The following ADGRL1 variants were observed in gnomAD, a reference collection of about 807,000 sequenced individuals.
ADGRL1 encodes the protein CIRL-1.
Under a neutral mutation model 148.9 loss-of-function variants are expected in ADGRL1, and 31 were observed. That is an observed-to-expected ratio of 0.21 (90% confidence interval 0.16 to 0.28). The LOEUF is 0.28. ADGRL1 is among the 10% of genes least tolerant of loss of function. The pLI, the probability that ADGRL1 is intolerant of heterozygous loss-of-function variation, is 1.00. For synonymous variants in ADGRL1, 937 were observed against 900.3 expected (o/e 1.04, Z -0.73); for missense variants, 1,521 against 2,058.8 (o/e 0.74, Z 5.05).
intron 4 of ADGRL1, 47 bp from the exon 5 acceptor site, chr19:14,163,453 A>T: frequency 9.2e-7 from 1 of 1,087,800 alleles, no homozygotes; most frequent in Non-Finnish European, 1.3e-6. Context: ...GAAGGGGCAG[A>T]GGCGAGAGGG....
At chr19:14,171,249 GTCTTT>G (rs2144881124) in intron 3 of ADGRL1, 1 of 156,528 alleles carries the variant, frequency 6.4e-6, no homozygotes, top group East Asian at 1.9e-4. Context: ...CCAATTAAAT[GTCTTT>G]TCTTTATAAA....
At chr19:14,193,271 CAAAAAAA>C (rs34844517) in intron 1 of ADGRL1, among the ~76,000 whole-genome samples, 18 of 48,626 alleles carry the variant, frequency 3.7e-4, no homozygotes, top group African/African-American at 1.3e-3. Flanking sequence ...CCCCCACCGC[CAAAAAAA>C]AAAAAAAAAA....
intron 1 of ADGRL1, among the ~76,000 whole-genome samples, chr19:14,203,203 C>G (rs1296047585): frequency 6.6e-6 from 1 of 152,214 alleles, no homozygotes; most frequent in African/African-American, 2.4e-5. Flanking sequence ...CCTGCCTCCC[C>G]ACAGAGGGGC....
intron 2 of ADGRL1, among the ~76,000 whole-genome samples, chr19:14,179,772 G>A (rs957090646): frequency 4.0e-5 from 6 of 151,330 alleles, no homozygotes; most frequent in Non-Finnish European, 8.8e-5. Flanking sequence ...TTAGCCGGGT[G>A]TGGTGGCAGG....
At position 14,157,912 on chromosome 19, in the gene ADGRL1, G is replaced by A. The variant is rs1968936968; in HGVS notation, c.2505C>T (p.Asn835=). 3 of 1,614,078 alleles carry A rather than the reference G, an allele frequency of 1.9e-6. No homozygotes were observed. Among genetic ancestry groups the A allele is most frequent in the Non-Finnish European group, 2.5e-6 (3 of 1,180,042 alleles). The part of the protein sequence containing the change: ...HTTCACSHLT[N]FAVLMAHREI... ...CACGGTGAGCCATGAGCACAGCGAA[G>A]TTGGTGAGGTGGCTGCAGGCACACG... The change falls in exon 13 of 23, where the codon AAC becomes AAT. Residue 835 remains asparagine (N), a synonymous_variant. Transcript: ENST00000361434. The surrounding 1 kb of genome is among the most constrained non-coding windows in gnomAD (Gnocchi z 7.5).
At chr19:14,171,542 T>C (rs1324555469) in intron 3 of ADGRL1, among the ~76,000 whole-genome samples, 2 of 152,222 alleles carry the variant, frequency 1.3e-5, no homozygotes, top group East Asian at 3.9e-4. Context: ...TTAAAGCCCC[T>C]GCGCTGTTCA....
chr19:14,151,215 C>G lies in ADGRL1; in HGVS notation c.4068G>C (p.Ser1356=). The G allele has an allele frequency of 6.2e-7, 1 of 1,611,782 alleles. No homozygotes were observed. The highest frequency in any genetic ancestry group is 8.5e-7 in the Non-Finnish European group (1 of 1,179,660). The change falls in exon 23 of 23, where the codon TCG becomes TCC. Residue 1356 remains serine, a synonymous_variant. Transcript: ENST00000361434. ...CGCCGTCCTCGGCCGTGCAGCTCTCCGACTCGTCCAGATCGCTCTGGTACA... is the reference window on the plus strand; with the variant it reads ...CGCCGTCCTCGGCCGTGCAGCTCTCGGACTCGTCCAGATCGCTCTGGTACA... ...SVLYQSDLDE[S]ESCTAEDGAT...
chr19:14,198,364 C>T (rs894899490), intron 1 of ADGRL1, among the ~76,000 whole-genome samples: 15 of 152,044 alleles, frequency 9.9e-5, no homozygotes, highest in Non-Finnish European at 1.5e-4. Flanking sequence ...GGAGGGTACT[C>T]TCTACCCCAC....
intron 1 of ADGRL1, among the ~76,000 whole-genome samples, chr19:14,187,883 C>T (rs1378520040): frequency 6.6e-6 from 1 of 152,016 alleles, no homozygotes; most frequent in African/African-American, 2.4e-5. Flanking sequence ...GGTCTCCAAG[C>T]GCTTTCTTTC....
intron 4 of ADGRL1, chr19:14,167,165 G>A (rs559045889): frequency 6.3e-6 from 5 of 791,144 alleles, no homozygotes; most frequent in South Asian, 1.6e-5. Flanking sequence ...TTCCTTCCTC[G>A]CTCCTGCTTC....
intron 18 of ADGRL1, among the ~76,000 whole-genome samples, chr19:14,153,931 ACT>A (rs949370934): frequency 4.6e-5 from 7 of 150,904 alleles, no homozygotes; most frequent in East Asian, 2.0e-4. Context: ...ACAGAACGAG[ACT>A]CTGTCTCAAA....
chr19:14,203,377 C>T (rs1599533232), intron 1 of ADGRL1, among the ~76,000 whole-genome samples: 1 of 152,150 alleles, frequency 6.6e-6, no homozygotes, highest in African/African-American at 2.4e-5. Context: ...TCCCACTCCT[C>T]CCGTTCCTCT....
intron 4 of ADGRL1, chr19:14,170,249 TC>T: frequency 6.4e-6 from 1 of 157,448 alleles, no homozygotes; most frequent in Non-Finnish European, 1.4e-5. Context: ...ATGAGAAGGG[TC>T]AGAAAAGGTC....
Position 14,160,415 on chromosome 19 carries a change from A to G in ADGRL1, c.1615-118T>C. 1 of 1,039,098 alleles carries G rather than the reference A, an allele frequency of 9.6e-7. No individual in the cohort carries two copies. Among genetic ancestry groups the G allele is most frequent in the Non-Finnish European group, 1.4e-6 (1 of 724,460 alleles). The allele number at this position is 1,039,098 out of a possible 1,614,324, so 64.4% of individuals were successfully genotyped here. A position where few individuals can be genotyped will look rare whatever the true frequency, so the allele number is the denominator to read the frequency against. The stretch of plus-strand genomic sequence containing the variant: ...TCTCTCTCTCCACTTCCCCATCGCC[A>G]TCTGCCCCTTCCCACCCCATCTGTC... On this transcript the variant is annotated intron_variant, in intron 7 of 22. Transcript: ENST00000361434. The surrounding 1 kb of genome is among the most constrained non-coding windows in gnomAD (Gnocchi z 5.9).
At chr19:14,154,728 C>T (rs976520056) in intron 18 of ADGRL1, among the ~76,000 whole-genome samples, 3 of 152,176 alleles carry the variant, frequency 2.0e-5, no homozygotes, top group African/African-American at 7.2e-5. Context: ...TGCCTCAGCC[C>T]CTCAGCCTCC....
At chr19:14,201,947 G>A (rs1220684378) in intron 1 of ADGRL1, among the ~76,000 whole-genome samples, 5 of 152,176 alleles carry the variant, frequency 3.3e-5, no homozygotes, top group Admixed American at 2.6e-4. Flanking sequence ...AAGGTGCCTG[G>A]GAGTAAACGT....
chr19:14,202,635 T>G (rs1247501362), intron 1 of ADGRL1, among the ~76,000 whole-genome samples: 1 of 151,962 alleles, frequency 6.6e-6, no homozygotes. Context: ...CCACCCCCCA[T>G]GGCGCCCCCT....
chr19:14,177,414 C>T (rs1361664389), intron 3 of ADGRL1, 117 bp downstream of exon 3: 14 of 932,834 alleles, frequency 1.5e-5, no homozygotes, highest in Non-Finnish European at 1.4e-5. Flanking sequence ...ATTAAGTGCT[C>T]AGTAAACATG....
chr19:14,204,721 AG>A, intron 1 of ADGRL1, among the ~76,000 whole-genome samples: 1 of 145,886 alleles, frequency 6.9e-6, no homozygotes, highest in Admixed American at 6.8e-5. Context: ...AGTGAGAGAG[AG>A]AGAGAGAGAG....
Sources: gnomAD v4.1 joint callset for allele counts (sites outside exome capture counted in the v4.1 genomes callset) on GRCh38, gnomAD v4.1.1 for gene constraint, Gnocchi (gnomAD v3.1) non-coding constraint, MANE v1.5 for transcripts, NCBI Gene and HGNC (gene_info 2026-07-23, HGNC 2026-07-21) for gene names.